The following PRH1 variants were observed in gnomAD, a reference collection of about 807,000 sequenced individuals.
The protein encoded by PRH1 is salivary acidic proline-rich phosphoprotein 1/2.
Under a neutral mutation model 7.9 loss-of-function variants are expected in PRH1, and 7 were observed. That is an observed-to-expected ratio of 0.89 (90% CI 0.50 to 1.67). The LOEUF is 1.67. PRH1 is among the 40% of genes most tolerant of loss of function. The pLI, the probability that PRH1 is intolerant of heterozygous loss-of-function variation, is 0.00. For missense variants in PRH1, 109 were observed against 223.6 expected (o/e 0.49, Z 3.27); for synonymous variants, 45 against 80.8 (o/e 0.56, Z 2.38).
intron 1 of PRH1, among the ~76,000 whole-genome samples, chr12:11,110,615 T>C (rs1023870453): frequency 8.5e-5 from 13 of 152,268 alleles, no homozygotes; most frequent in African/African-American, 3.1e-4. Context: ...AGAGATTTTG[T>C]TACCACCAGG....
At chr12:11,052,233 C>T (rs1052633116) in intron 1 of PRH1, among the ~76,000 whole-genome samples, 1 of 152,242 alleles carries the variant, frequency 6.6e-6, no homozygotes, top group Non-Finnish European at 1.5e-5. Context: ...TTGCTCCTTG[C>T]ATGTTCAACT....
intron 1 of PRH1, among the ~76,000 whole-genome samples, chr12:11,027,096 C>A (rs1177880804): frequency 6.6e-6 from 1 of 152,104 alleles, no homozygotes; most frequent in African/African-American, 2.4e-5. Flanking sequence ...GAAATCCTAG[C>A]CCTACAGAAA....
At chr12:11,155,623 G>C (rs1947227443) in intron 1 of PRH1, among the ~76,000 whole-genome samples, 1 of 151,932 alleles carries the variant, frequency 6.6e-6, no homozygotes. Flanking sequence ...TCTTGTTTAT[G>C]ACTTCTTTTT....
At position 10,986,245 on chromosome 12, in the gene PRH1, G is replaced by A. The variant is rs147511307; in HGVS notation, c.-125-12524C>T. 6 of 1,614,010 alleles carry A rather than the reference G, an allele frequency of 3.7e-6. No homozygotes were observed. In the African/African-American group the frequency reaches 4.0e-5, roughly 11 times the overall value. Reference sequence around the variant, plus strand: ...TCTCCATGGAGCTGCATCTTCTTGAGATGTTTACACAGAGAACAGATTAGC... The same window carrying A: ...TCTCCATGGAGCTGCATCTTCTTGAAATGTTTACACAGAGAACAGATTAGC... On this transcript the variant is annotated intron_variant, in intron 1 of 3. Coordinates refer to the PRH1 transcript ENST00000539853.
In PRH1 at chr12:10,978,266, A is replaced by C. The variant is rs528346069; in HGVS notation, c.-125-4545T>G. ...AGAGAGCCCAGAAATAATGCCACCC[A>C]CCTACAGCCATCTGATCTTCAACAA... On this transcript the variant is annotated intron_variant, in intron 1 of 3. Transcript: ENST00000539853. 1.2e-4 allele frequency among the ~76,000 whole-genome samples: 18 copies of C among 152,258 alleles called. No homozygotes were observed. In the South Asian group the frequency reaches 3.5e-3, roughly 30 times the overall value.
intron 2 of PRH1, among the ~76,000 whole-genome samples, chr12:10,919,462 T>G (rs2135844376): frequency 6.6e-6 from 1 of 152,316 alleles, no homozygotes; most frequent in African/African-American, 2.4e-5. Flanking sequence ...AAATGTGAAC[T>G]CATCAGTCTT....
chr12:11,062,886 G>A (rs1252504015), intron 1 of PRH1, among the ~76,000 whole-genome samples: 2 of 151,994 alleles, frequency 1.3e-5, no homozygotes, highest in African/African-American at 4.8e-5. Context: ...TCAGAATCTG[G>A]TTGCTGCTAA....
chr12:11,104,347 C>T (rs1945348043), intron 1 of PRH1, among the ~76,000 whole-genome samples: 2 of 152,070 alleles, frequency 1.3e-5, no homozygotes, highest in African/African-American at 4.8e-5. Context: ...AGGGTTTTAT[C>T]ACCAATGTAA....
intron 1 of PRH1, among the ~76,000 whole-genome samples, chr12:11,000,200 T>C (rs1467313535): frequency 6.6e-6 from 1 of 152,150 alleles, no homozygotes; most frequent in Non-Finnish European, 1.5e-5. Context: ...ATCTTATCAA[T>C]AATATATTTA....
At chr12:11,031,633 C>T (rs1362392417) in intron 1 of PRH1, among the ~76,000 whole-genome samples, 1 of 151,916 alleles carries the variant, frequency 6.6e-6, no homozygotes, top group Non-Finnish European at 1.5e-5. Context: ...TTTTTTTGTC[C>T]TATCAGAGTG....
chr12:10,892,623 T>C (rs1278814249), intron 2 of PRH1, among the ~76,000 whole-genome samples: 1 of 152,104 alleles, frequency 6.6e-6, no homozygotes. Flanking sequence ...TCCCATATCA[T>C]GATAGGAGGA....
At chr12:11,101,056 A>T (rs2597971) in intron 1 of PRH1, among the ~76,000 whole-genome samples, 69,208 of 152,066 alleles carry the variant, frequency 0.46, 16,564 homozygotes, top group Non-Finnish European at 0.53. Context: ...ATGTGTATCA[A>T]AAATAATTAA....
At chr12:10,986,434 G>A (rs748579859) in intron 1 of PRH1, 1 of 1,613,984 alleles carries the variant, frequency 6.2e-7, no homozygotes, top group South Asian at 1.1e-5. Flanking sequence ...ACAAGAAGAT[G>A]ACAAACCAAA....
intron 1 of PRH1, among the ~76,000 whole-genome samples, chr12:11,018,138 G>C (rs543893695): frequency 1.2e-4 from 19 of 152,006 alleles, no homozygotes; most frequent in African/African-American, 4.3e-4. Flanking sequence ...TGCAACGTGG[G>C]CATCATAGGA....
intron 1 of PRH1, among the ~76,000 whole-genome samples, chr12:11,033,716 G>A (rs1166706828): frequency 1.3e-5 from 2 of 152,294 alleles, no homozygotes; most frequent in South Asian, 4.1e-4. Context: ...CTATCTTAGA[G>A]TTGTATAGGA....
intron 1 of PRH1, among the ~76,000 whole-genome samples, chr12:11,110,496 G>A (rs1473143957): frequency 1.3e-5 from 2 of 151,990 alleles, no homozygotes; most frequent in Non-Finnish European, 2.9e-5. Flanking sequence ...AGCCGGAAGA[G>A]AGTGGGGACA....
At chr12:11,151,509 G>T (rs1277240317) in intron 1 of PRH1, among the ~76,000 whole-genome samples, 1 of 152,120 alleles carries the variant, frequency 6.6e-6, no homozygotes, top group East Asian at 1.9e-4. Flanking sequence ...CACATACGAA[G>T]AAATCAACTG....
intron 1 of PRH1, among the ~76,000 whole-genome samples, chr12:11,146,985 T>C (rs1305964147): frequency 2.0e-5 from 3 of 152,204 alleles, no homozygotes; most frequent in East Asian, 1.9e-4. Flanking sequence ...TAAATCTTGA[T>C]ACCCAGTAAA....
At chr12:10,944,443 T>TA (rs757073782) in intron 2 of PRH1, among the ~76,000 whole-genome samples, 6 of 152,186 alleles carry the variant, frequency 3.9e-5, no homozygotes, top group Non-Finnish European at 8.8e-5. Context: ...TGAAGTTGTT[T>TA]ATCAGATGAA....
Sources: allele counts gnomAD v4.1 joint callset (sites outside exome capture counted in the v4.1 genomes callset), GRCh38; gene constraint gnomAD v4.1.1; transcripts MANE v1.5; gene names NCBI Gene and HGNC (gene_info 2026-07-23, HGNC 2026-07-21).